The following ALK variants were observed in gnomAD, a reference collection of about 807,000 sequenced individuals.
ALK encodes the protein ALK tyrosine kinase receptor.
Under a neutral mutation model 163.1 loss-of-function variants are expected in ALK, and 74 were observed. That is an observed-to-expected ratio of 0.45 (90% CI 0.38 to 0.55). The LOEUF (loss-of-function observed/expected upper bound fraction) is 0.55. Ranked by LOEUF, ALK falls within the 20% of genes least tolerant of loss-of-function variation. The pLI is 0.00. For missense variants in ALK, 2,063 were observed against 2,105.3 expected, an observed-to-expected ratio of 0.98 and a Z score of 0.39; for synonymous variants, 960 against 843.2, an observed-to-expected ratio of 1.14 and a Z score of -2.40.
At position 29,920,523 on chromosome 2, in the gene ALK, T is replaced by C. The variant is rs770542891; in HGVS notation, c.137A>G (p.Tyr46Cys). 3.7e-6 allele frequency: 6 copies of C among 1,611,482 alleles called. No individual in the cohort carries two copies. The South Asian group carries it at 6.6e-5, about 18-fold the overall frequency. ...PPLQPREPLSYSRLQRKSLAV... is the reference protein window; with the variant it reads ...PPLQPREPLSCSRLQRKSLAV... The stretch of plus-strand genomic sequence containing the variant: ...CAGACTCTTCCTCTGCAGGCGCGAG[T>C]AGCTGAGTGGCTCCCGGGGCTGCAG... The change falls in exon 1 of 29, where the codon TAC becomes TGC. Residue 46 changes from tyrosine (Y) to cysteine (C), a missense_variant. Physicochemically the swap from Tyr to Cys is radical, Grantham distance 194. Coordinates refer to ENST00000389048, the MANE Select transcript of ALK (RefSeq NM_004304.5).
chr2:29,408,832 C>T (rs1205203982), intron 4 of ALK, among the ~76,000 whole-genome samples: 1 of 152,196 alleles, frequency 6.6e-6, no homozygotes, highest in Non-Finnish European at 1.5e-5. Context: ...CCCCAGCTGA[C>T]AGCCTCAAGG....
intron 8 of ALK, among the ~76,000 whole-genome samples, chr2:29,311,548 A>G (rs1480201342): frequency 6.6e-6 from 1 of 152,246 alleles, no homozygotes; most frequent in African/African-American, 2.4e-5. Flanking sequence ...AGTTAAAAAA[A>G]GGGGTTTGTA....
At chr2:29,587,514 G>A (rs1037557866) in intron 3 of ALK, among the ~76,000 whole-genome samples, 3 of 152,160 alleles carry the variant, frequency 2.0e-5, no homozygotes, top group African/African-American at 7.2e-5. Flanking sequence ...AGGATCCAAA[G>A]GTCCAGGCCC....
At chr2:29,257,777 T>C (rs753589320) in intron 11 of ALK, among the ~76,000 whole-genome samples, 1 of 152,340 alleles carries the variant, frequency 6.6e-6, no homozygotes, top group Non-Finnish European at 1.5e-5. Flanking sequence ...CAGAGCCATT[T>C]TGATGGGCAC....
chr2:29,703,324 A>G (rs1558450057), intron 2 of ALK, among the ~76,000 whole-genome samples: 1 of 152,152 alleles, frequency 6.6e-6, no homozygotes, highest in East Asian at 1.9e-4. Context: ...CAGTCGTACA[A>G]TCTTTTCCCA....
intron 26 of ALK, among the ~76,000 whole-genome samples, chr2:29,204,361 GCTTCT>G (rs1669260001): frequency 6.6e-6 from 1 of 152,106 alleles, no homozygotes; most frequent in Non-Finnish European, 1.5e-5. Flanking sequence ...GTTTCTTTGG[GCTTCT>G]CTTGACTATG....
intron 4 of ALK, among the ~76,000 whole-genome samples, chr2:29,514,824 C>T (rs1441549021): frequency 1.3e-5 from 2 of 152,160 alleles, no homozygotes; most frequent in East Asian, 3.9e-4. Flanking sequence ...CTCTATGCCT[C>T]ACTCTGTATT....
chr2:29,270,524 A>G (rs996660662), intron 11 of ALK, among the ~76,000 whole-genome samples: 1 of 152,138 alleles, frequency 6.6e-6, no homozygotes, highest in African/African-American at 2.4e-5. Context: ...TGCTAATCAA[A>G]CTTTCCTTGA....
At chr2:29,386,532 A>G (rs1259054736) in intron 4 of ALK, among the ~76,000 whole-genome samples, 1 of 152,232 alleles carries the variant, frequency 6.6e-6, no homozygotes, top group East Asian at 1.9e-4. Flanking sequence ...ATAGTGGTGA[A>G]AGGCAGGAGT....
rs2148180632 is a variant in ALK, at chr2:29,228,997, G to A, written c.2702C>T (p.Thr901Ile). The change falls in exon 16 of 29, where the codon ACC becomes ATC. Residue 901 changes from threonine to isoleucine, a missense_variant. Coordinates refer to ENST00000389048, the MANE Select transcript of ALK (RefSeq NM_004304.5). ...GGCCTGGGGGCAGGAATGTCCTCCG[G>A]TGGCACCCTCCTGCAAAGATTTTCC... ...WAGKSLQEGA[T>I]GGHSCPQAMK... 6.2e-7 allele frequency: 1 copy of A among 1,611,106 alleles called. No individual in the cohort carries two copies. Among genetic ancestry groups the A allele is most frequent in the Non-Finnish European group, 8.5e-7 (1 of 1,179,282 alleles).
intron 3 of ALK, among the ~76,000 whole-genome samples, chr2:29,673,803 C>T (rs1466879040): frequency 6.6e-6 from 1 of 151,326 alleles, no homozygotes; most frequent in East Asian, 1.9e-4. Flanking sequence ...ATTCTTCCTA[C>T]CCAAGAGCAT....
chr2:29,322,328 A>T (rs1350915302), intron 6 of ALK, among the ~76,000 whole-genome samples: 1 of 152,268 alleles, frequency 6.6e-6, no homozygotes, highest in Non-Finnish European at 1.5e-5. Flanking sequence ...GCTGTCACTG[A>T]CTTTGAACAT....
At chr2:29,556,079 A>G (rs1165059406) in intron 3 of ALK, among the ~76,000 whole-genome samples, 1 of 152,172 alleles carries the variant, frequency 6.6e-6, no homozygotes, top group Non-Finnish European at 1.5e-5. Context: ...AATGCACCCC[A>G]AGCCAAACCT....
intron 3 of ALK, among the ~76,000 whole-genome samples, chr2:29,562,136 G>A (rs550684753): frequency 1.3e-5 from 2 of 152,304 alleles, no homozygotes; most frequent in South Asian, 4.1e-4. Context: ...GCCAGTTTCT[G>A]CTGGACAACC....
Position 29,917,436 on chromosome 2 carries a change from T to C in ALK, c.667+2557A>G, listed in dbSNP as rs147043039. On this transcript the variant is annotated intron_variant, in intron 1 of 28. Coordinates refer to ENST00000389048, the MANE Select transcript of ALK (RefSeq NM_004304.5). ...AATAAACCCATTTCTCCAAACATGA[T>C]AAATAGCAAAATCAATCCCAGTGTC... Among the ~76,000 whole-genome samples, 112 of 152,314 alleles carry C rather than the reference T, an allele frequency of 7.4e-4. 1 individual carries two copies. The East Asian group carries it at 0.016, about 22-fold the overall frequency.
intron 3 of ALK, among the ~76,000 whole-genome samples, chr2:29,643,958 T>C (rs894606002): frequency 7.2e-5 from 11 of 152,074 alleles, no homozygotes; most frequent in Admixed American, 6.5e-4. Context: ...CGTATGTTTA[T>C]TGTGGCACTA....
At chr2:29,488,036 G>A (rs1224098457) in intron 4 of ALK, among the ~76,000 whole-genome samples, 1 of 152,002 alleles carries the variant, frequency 6.6e-6, no homozygotes, top group Non-Finnish European at 1.5e-5. Flanking sequence ...ATATGCACGT[G>A]CACACAGAAA....
At chr2:29,733,401 C>T (rs186219370) in intron 1 of ALK, among the ~76,000 whole-genome samples, 117 of 152,310 alleles carry the variant, frequency 7.7e-4, no homozygotes, top group Non-Finnish European at 1.4e-3. Flanking sequence ...TGGTACCATG[C>T]TGTCTTGGAG....
In ALK at chr2:29,514,247, A is replaced by T. The variant is rs535670891; in HGVS notation, c.1154+17668T>A. Reference sequence around the variant, plus strand: ...TCACAATAGCAAAGACTTGGAACCAACCCAAATGTCCAACAATGATAGACT... The same window carrying T: ...TCACAATAGCAAAGACTTGGAACCATCCCAAATGTCCAACAATGATAGACT... On this transcript the variant is annotated intron_variant, in intron 4 of 28. Coordinates refer to ENST00000389048, the MANE Select transcript of ALK (RefSeq NM_004304.5). 5.5e-4 allele frequency among the ~76,000 whole-genome samples: 82 copies of T among 147,764 alleles called. 1 individual carries two copies. Among genetic ancestry groups the T allele is most frequent in the African/African-American group, 1.9e-3 (76 of 39,618 alleles).
Sources: gnomAD v4.1 joint callset for allele counts (sites outside exome capture counted in the v4.1 genomes callset) on GRCh38, gnomAD v4.1.1 for gene constraint, MANE v1.5 for transcripts, NCBI Gene and HGNC (gene_info 2026-07-23, HGNC 2026-07-21) for gene names.